Variants in TSPAN19 observed in about 807,000 individuals in gnomAD.
TSPAN19 encodes tetraspanin-19.
In TSPAN19, 44 loss-of-function variants were observed where a neutral mutation model predicts 35.1. The observed-to-expected ratio is 1.25, with a 90% CI of 0.98 to 1.61. The LOEUF is 1.61. TSPAN19 is among the 40% of genes most tolerant of loss of function. The probability of loss-of-function intolerance (pLI) is 0.00; values close to 1 mark genes in which losing one functional copy is unlikely to be tolerated. For missense variants in TSPAN19, 290 were observed against 280.0 expected (o/e 1.04, Z -0.26); for synonymous variants, 79 against 92.0 (o/e 0.86, Z 0.81).
intron 5 of TSPAN19, among the ~76,000 whole-genome samples, chr12:85,021,617 T>C (rs1365378239): frequency 6.6e-6 from 1 of 152,074 alleles, no homozygotes; most frequent in Non-Finnish European, 1.5e-5. Flanking sequence ...ATAAATAAAA[T>C]TCCCTTATGC....
intron 7 of TSPAN19, 95 bp downstream of exon 7, chr12:85,017,361 T>G: frequency 8.7e-7 from 1 of 1,148,068 alleles, no homozygotes; most frequent in Non-Finnish European, 1.2e-6. Flanking sequence ...ACAACATTAT[T>G]TTTATATAAA....
chr12:85,019,509 T>C, intron 6 of TSPAN19, 117 bp downstream of exon 6: 1 of 621,246 alleles, frequency 1.6e-6, no homozygotes, highest in South Asian at 2.1e-5. Flanking sequence ...CCAGTTTGTT[T>C]GAAAGAAATA....
intron 5 of TSPAN19, among the ~76,000 whole-genome samples, chr12:85,023,122 A>G (rs1038152295): frequency 7.9e-5 from 12 of 152,104 alleles, no homozygotes; most frequent in African/African-American, 2.9e-4. Context: ...AAACAGAGTT[A>G]AAGGCAAGTT....
chr12:85,031,856 T>C (rs1877700379), intron 1 of TSPAN19, among the ~76,000 whole-genome samples: 1 of 151,964 alleles, frequency 6.6e-6, no homozygotes, highest in African/African-American at 2.4e-5. Context: ...TCAGCTCCAG[T>C]TGAAGGCAAC....
intron 1 of TSPAN19, among the ~76,000 whole-genome samples, chr12:85,035,686 T>C (rs987376165): frequency 6.6e-6 from 1 of 152,076 alleles, no homozygotes; most frequent in African/African-American, 2.4e-5. Context: ...AAATATGTTA[T>C]TAATTAAAAT....
chr12:85,014,430 A>G lies in TSPAN19; in HGVS notation c.*57T>C. ...CAAAACGTTTTTGGAATAAAATAAT[A>G]TAATGTGATTTTTTAAGAATTAACT... is the stretch of plus-strand genomic sequence containing the variant. On this transcript the variant is annotated 3_prime_UTR_variant, in exon 9 of 9. Coordinates refer to ENST00000532498, the MANE Select transcript of TSPAN19 (RefSeq NM_001100917.2). 5 of 1,264,488 alleles carry G rather than the reference A, an allele frequency of 4.0e-6. No homozygotes were observed. The highest frequency in any genetic ancestry group is 5.6e-6 in the Non-Finnish European group (5 of 890,112). The allele number at this position is 1,264,488 out of a possible 1,614,324, so 78.3% of individuals were successfully genotyped here.
intron 5 of TSPAN19, among the ~76,000 whole-genome samples, chr12:85,022,241 A>G (rs1427632649): frequency 6.6e-6 from 1 of 152,048 alleles, no homozygotes; most frequent in East Asian, 1.9e-4. Flanking sequence ...ACACACACAC[A>G]TACATTTTAG....
At chr12:85,030,288 A>G (rs918258244) in intron 1 of TSPAN19, among the ~76,000 whole-genome samples, 1 of 152,136 alleles carries the variant, frequency 6.6e-6, no homozygotes, top group Admixed American at 6.6e-5. Flanking sequence ...TTCAAAAAGT[A>G]TAAGATATTT....
chr12:85,029,707 A>C lies in TSPAN19; in HGVS notation c.139+12T>G. ...CTATTTCACTGAGAGAAAAACAAAA[A>C]TAGATACATACCAAAAGCTGTTAAA... On this transcript the variant is annotated intron_variant, in intron 3 of 8. Coordinates refer to ENST00000532498, the MANE Select transcript of TSPAN19 (RefSeq NM_001100917.2). The C allele has an allele frequency of 6.5e-7, 1 of 1,527,502 alleles. No homozygotes were observed. Among genetic ancestry groups the C allele is most frequent in the South Asian group, 1.3e-5 (1 of 78,838 alleles). The allele number at this position is 1,527,502 out of a possible 1,614,324, so 94.6% of individuals were successfully genotyped here.
chr12:85,033,920 G>A (rs976362257), intron 1 of TSPAN19, among the ~76,000 whole-genome samples: 36 of 152,164 alleles, frequency 2.4e-4, no homozygotes, highest in African/African-American at 8.7e-4. Context: ...TATATCATAA[G>A]GCTAGAATCT....
intron 5 of TSPAN19, among the ~76,000 whole-genome samples, chr12:85,021,619 C>T (rs564751027): frequency 2.0e-5 from 3 of 152,108 alleles, no homozygotes; most frequent in African/African-American, 7.2e-5. Context: ...AAATAAAATT[C>T]CCTTATGCTT....
At chr12:85,025,847 C>A (rs1230208608) in intron 4 of TSPAN19, among the ~76,000 whole-genome samples, 1 of 152,112 alleles carries the variant, frequency 6.6e-6, no homozygotes, top group African/African-American at 2.4e-5. Flanking sequence ...AGCTTTTAGG[C>A]CTATAATATT....
rs191498218 is a variant in TSPAN19, at chr12:85,033,471, T to C, written c.-28+2733A>G. ...AATGGCTGTGGGAATGGAAACAGTA[T>C]CACAATATGAGAGATGTAGTAGGAA... is the stretch of plus-strand genomic sequence containing the variant. On this transcript the variant is annotated intron_variant, in intron 1 of 8. Transcript: ENST00000532498. Among the ~76,000 whole-genome samples, 241 of 151,700 alleles carry C rather than the reference T, an allele frequency of 1.6e-3. 1 individual carries two copies. Among genetic ancestry groups the C allele is most frequent in the African/African-American group, 5.7e-3 (235 of 41,352 alleles).
At chr12:85,030,504 C>G (rs183514590) in intron 1 of TSPAN19, among the ~76,000 whole-genome samples, 1 of 151,944 alleles carries the variant, frequency 6.6e-6, no homozygotes, top group Non-Finnish European at 1.5e-5. Context: ...TTTGTTGCCT[C>G]TCAAATTTCT....
intron 4 of TSPAN19, among the ~76,000 whole-genome samples, chr12:85,023,675 A>G (rs1488125296): frequency 6.6e-6 from 1 of 152,158 alleles, no homozygotes; most frequent in Non-Finnish European, 1.5e-5. Context: ...TGCCATCTTA[A>G]TTCAGTTCTA....
rs779710371 is a variant in TSPAN19, at chr12:85,028,027, T to G, written c.140-4A>C. The G allele has an allele frequency of 1.3e-6, 2 of 1,535,814 alleles. No homozygotes were observed. Among genetic ancestry groups the G allele is most frequent in the Non-Finnish European group, 1.8e-6 (2 of 1,133,162 alleles). ...ACTATGAAGTGATTATTTTCATCTG[T>G]GAAAAGTACAAATTTACTTATTATG... On this transcript the variant is annotated splice_region_variant and splice_polypyrimidine_tract_variant and intron_variant, in intron 3 of 8. Coordinates refer to ENST00000532498, the MANE Select transcript of TSPAN19 (RefSeq NM_001100917.2).
intron 3 of TSPAN19, among the ~76,000 whole-genome samples, chr12:85,028,795 A>T (rs1877545784): frequency 6.6e-6 from 1 of 152,186 alleles, no homozygotes; most frequent in Non-Finnish European, 1.5e-5. Context: ...AAATGGGCAG[A>T]TGTCATAAAT....
At position 85,017,512 on chromosome 12, in the gene TSPAN19, T is replaced by C; in HGVS notation, c.538A>G (p.Lys180Glu). ...CAAAACCATTTTCTTAAAGTTGACT[T>C]TGTGCAAGAACATGGCACCTGTCCT... ...NSGQVPCSCT[K>E]STLRKWFCDE... The change falls in exon 7 of 9, where the codon AAG (lysine) becomes GAG (glutamate). Residue 180 changes from lysine to glutamate, a missense_variant. Physicochemically the swap from Lys to Glu is moderately conservative, Grantham distance 56. Transcript: ENST00000532498. 6.2e-7 allele frequency: 1 copy of C among 1,607,252 alleles called. No individual in the cohort carries two copies. Among genetic ancestry groups the C allele is most frequent in the Non-Finnish European group, 8.5e-7 (1 of 1,176,318 alleles).
intron 6 of TSPAN19, among the ~76,000 whole-genome samples, chr12:85,018,851 G>A (rs1876960299): frequency 6.6e-6 from 1 of 151,800 alleles, no homozygotes; most frequent in Non-Finnish European, 1.5e-5. Flanking sequence ...CTATGTTATA[G>A]GGTTGGGAGG....
Sources: gnomAD v4.1 joint callset for allele counts (sites outside exome capture counted in the v4.1 genomes callset) on GRCh38, gnomAD v4.1.1 for gene constraint, MANE v1.5 for transcripts, NCBI Gene and HGNC (gene_info 2026-07-23, HGNC 2026-07-21) for gene names.